Variants in CDH12 observed in about 807,000 individuals in gnomAD.
CDH12 encodes the protein cadherin 12, also known as cadherin-12.
Under a neutral mutation model 74.1 loss-of-function variants are expected in CDH12, and 41 were observed. The ratio of observed to expected loss-of-function variants is 0.55; its 90% CI spans 0.43 to 0.72. The LOEUF (loss-of-function observed/expected upper bound fraction) is 0.72. CDH12 is among the 30% of genes least tolerant of loss of function. The pLI is 0.00. For missense variants in CDH12, 945 were observed against 977.2 expected (o/e 0.97, Z 0.44); for synonymous variants, 399 against 355.0 (o/e 1.12, Z -1.39).
At chr5:22,453,337 T>G (rs1745128871) in intron 2 of CDH12, among the ~76,000 whole-genome samples, 1 of 152,108 alleles carries the variant, frequency 6.6e-6, no homozygotes, top group Non-Finnish European at 1.5e-5. Context: ...TCAACCTAAG[T>G]GTTCACCAGT....
chr5:22,212,013 A>G (rs1751572859), intron 4 of CDH12, among the ~76,000 whole-genome samples: 1 of 151,530 alleles, frequency 6.6e-6, no homozygotes, highest in South Asian at 2.1e-4. Context: ...ATACTATTAA[A>G]ATATTCAGGG....
chr5:22,408,442 G>GT (rs375722095), intron 2 of CDH12, among the ~76,000 whole-genome samples: 1 of 151,348 alleles, frequency 6.6e-6, no homozygotes. Flanking sequence ...GTCAAACTCA[G>GT]TTTTAAGACA....
intron 6 of CDH12, among the ~76,000 whole-genome samples, chr5:21,973,092 G>A (rs1398753661): frequency 2.0e-5 from 3 of 150,608 alleles, no homozygotes; most frequent in South Asian, 2.1e-4. Context: ...GCACATGACT[G>A]GCTATTAAGG....
chr5:21,976,631 C>T (rs547946316), intron 5 of CDH12, among the ~76,000 whole-genome samples: 201 of 151,758 alleles, frequency 1.3e-3, no homozygotes, highest in Non-Finnish European at 2.4e-3. Context: ...TATTCTTGCT[C>T]ATTTGGGTAT....
chr5:22,476,313 A>G (rs1254808953), intron 2 of CDH12, among the ~76,000 whole-genome samples: 3 of 152,126 alleles, frequency 2.0e-5, no homozygotes, highest in Non-Finnish European at 4.4e-5. Flanking sequence ...AAGATAAGTT[A>G]AGGAATTAAA....
intron 1 of CDH12, among the ~76,000 whole-genome samples, chr5:22,808,410 T>A (rs1452674782): frequency 6.6e-6 from 1 of 152,036 alleles, no homozygotes; most frequent in Non-Finnish European, 1.5e-5. Context: ...TCAGAGAAAA[T>A]TTTAAATGCT....
At chr5:22,822,625 T>C (rs891360637) in intron 1 of CDH12, among the ~76,000 whole-genome samples, 1 of 152,094 alleles carries the variant, frequency 6.6e-6, no homozygotes, top group African/African-American at 2.4e-5. Flanking sequence ...AAAAAACACA[T>C]GAAAAAATGC....
At chr5:22,505,982 G>A (rs1736372678) in intron 1 of CDH12, among the ~76,000 whole-genome samples, 1 of 152,058 alleles carries the variant, frequency 6.6e-6, no homozygotes, top group African/African-American at 2.4e-5. Flanking sequence ...GCTGACTGGA[G>A]TACTTATTAC....
intron 6 of CDH12, among the ~76,000 whole-genome samples, chr5:21,946,534 G>C (rs1755586894): frequency 6.6e-6 from 1 of 152,024 alleles, no homozygotes; most frequent in African/African-American, 2.4e-5. Flanking sequence ...CACTCAAAGA[G>C]GTAAAACATC....
At chr5:22,667,426 C>T (rs1163891250) in intron 1 of CDH12, among the ~76,000 whole-genome samples, 2 of 152,116 alleles carry the variant, frequency 1.3e-5, no homozygotes, top group Non-Finnish European at 2.9e-5. Flanking sequence ...AAATCAGTGA[C>T]TTGGGTGAGG....
intron 6 of CDH12, among the ~76,000 whole-genome samples, chr5:21,949,164 T>A (rs1249262810): frequency 1.3e-5 from 2 of 152,170 alleles, no homozygotes; most frequent in South Asian, 4.1e-4. Flanking sequence ...CTATACCATA[T>A]TTTTTATTGT....
chr5:22,007,132 T>C (rs1278413133), intron 5 of CDH12, among the ~76,000 whole-genome samples: 3 of 152,180 alleles, frequency 2.0e-5, no homozygotes, highest in Non-Finnish European at 4.4e-5. Flanking sequence ...AGGAAAAATC[T>C]AGTGTAACAG....
intron 2 of CDH12, among the ~76,000 whole-genome samples, chr5:22,423,437 T>C (rs1468252079): frequency 1.3e-5 from 2 of 152,132 alleles, no homozygotes; most frequent in African/African-American, 4.8e-5. Context: ...ATCCTGGCAA[T>C]ATTTCCCCTG....
chr5:22,484,974 C>A (rs1347527105), intron 2 of CDH12, among the ~76,000 whole-genome samples: 1 of 151,942 alleles, frequency 6.6e-6, no homozygotes, highest in Non-Finnish European at 1.5e-5. Flanking sequence ...TTGTAAAGAT[C>A]TAAAAAATAT....
intron 6 of CDH12, among the ~76,000 whole-genome samples, chr5:21,897,061 T>C (rs1753157524): frequency 6.6e-6 from 1 of 152,170 alleles, no homozygotes; most frequent in South Asian, 2.1e-4. Flanking sequence ...GATGAACATA[T>C]AAGTTTTATT....
At position 22,759,929 on chromosome 5, in the gene CDH12, G is replaced by A. The variant is rs185415481; in HGVS notation, c.-523+93129C>T. ...TGGTAGAATTCCCCTTATCTAGAGG[G>A]AGGTCACTCTTTTTCTTAAGGTCTT... is the stretch of plus-strand genomic sequence containing the variant. On this transcript the variant is annotated intron_variant, in intron 1 of 14. Coordinates refer to ENST00000382254, the MANE Select transcript of CDH12 (RefSeq NM_004061.5). Among the ~76,000 whole-genome samples, 27 of 152,290 alleles carry A rather than the reference G, an allele frequency of 1.8e-4. No homozygotes were observed. In the East Asian group the frequency reaches 4.3e-3, roughly 24 times the overall value.
intron 3 of CDH12, among the ~76,000 whole-genome samples, chr5:22,363,385 A>G (rs547666208): frequency 6.6e-6 from 1 of 152,292 alleles, no homozygotes; most frequent in South Asian, 2.1e-4. Context: ...ATTGGGAAAC[A>G]GAATACTTAG....
intron 5 of CDH12, among the ~76,000 whole-genome samples, chr5:21,976,077 C>T (rs189894780): frequency 1.3e-5 from 2 of 152,084 alleles, no homozygotes; most frequent in African/African-American, 4.8e-5. Flanking sequence ...TGATATAGGG[C>T]AGAGCATCTC....
At chr5:21,788,636 C>A (rs1309462761) in intron 10 of CDH12, among the ~76,000 whole-genome samples, 2 of 151,966 alleles carry the variant, frequency 1.3e-5, no homozygotes, top group African/African-American at 4.8e-5. Context: ...AATAAAGTTG[C>A]AAGAATTGCA....
Sources: gnomAD v4.1 joint callset for allele counts (sites outside exome capture counted in the v4.1 genomes callset) on GRCh38, gnomAD v4.1.1 for gene constraint, MANE v1.5 for transcripts, NCBI Gene and HGNC (gene_info 2026-07-23, HGNC 2026-07-21) for gene names.